Variants in CPZ observed in about 807,000 individuals in gnomAD.
The protein encoded by CPZ is VEZT/CPZ fusion.
A neutral mutation model predicts 61.8 loss-of-function variants in CPZ; 103 were observed. The ratio of observed to expected loss-of-function variants is 1.67; its 90% CI spans 1.42 to 1.96. The LOEUF is 1.96. Ranked by LOEUF, CPZ falls within the 30% of genes most tolerant of loss-of-function variation. CPZ has a pLI of 0.00. For synonymous variants in CPZ, 551 were observed against 373.7 expected, an observed-to-expected ratio of 1.47 and a Z score of -5.47; for missense variants, 1,461 against 914.9, an observed-to-expected ratio of 1.60 and a Z score of -7.70.
rs201254824 is a variant in CPZ at position 8,619,336 on chromosome 4, A to C, written c.1678A>C (p.Lys560Gln). Residue 560 changes from lysine (K) to glutamine (Q), a missense_variant, in exon 11 of 11, where the codon AAA (lysine) becomes CAA (glutamine). Transcript: ENST00000360986. ...CATTGCCCAAGCCCCTGGCTACGCC[A>C]AAGTCATCAAGAAAGTCATCATCCC... is the stretch of plus-strand genomic sequence containing the variant. ...IVIAQAPGYAKVIKKVIIPAR... is the reference protein window; with the variant it reads ...IVIAQAPGYAQVIKKVIIPAR... 7 of 1,613,994 alleles carry C rather than the reference A, an allele frequency of 4.3e-6. No individual in the cohort carries two copies. Among genetic ancestry groups the C allele is most frequent in the African/African-American group, 1.3e-5 (1 of 74,912 alleles).
chr4:8,619,215 G>C, intron 10 of CPZ, 47 bp from the exon 11 acceptor site: 1 of 1,508,458 alleles, frequency 6.6e-7, no homozygotes, highest in Non-Finnish European at 9.0e-7. Flanking sequence ...CCCCGTGGCT[G>C]GGTCTGCAGT....
intron 9 of CPZ, among the ~76,000 whole-genome samples, chr4:8,616,646 A>G (rs1716193948): frequency 6.6e-6 from 1 of 152,190 alleles, no homozygotes; most frequent in South Asian, 2.1e-4. Context: ...TATTCTTAGC[A>G]GAGAAGGCTC....
At chr4:8,614,127 T>G (rs1430868520) in intron 8 of CPZ, among the ~76,000 whole-genome samples, 5 of 152,230 alleles carry the variant, frequency 3.3e-5, no homozygotes, top group African/African-American at 1.2e-4. Flanking sequence ...GGGGATCATA[T>G]GGTCCACCTT....
At chr4:8,596,567 ACT>A (rs1271847539) in intron 1 of CPZ, among the ~76,000 whole-genome samples, 12 of 151,984 alleles carry the variant, frequency 7.9e-5, no homozygotes, top group African/African-American at 2.4e-4. Flanking sequence ...ATGCCCCAAG[ACT>A]CTGTGTGTTG....
chr4:8,592,814 C>T lies in CPZ; in HGVS notation c.-20C>T. On this transcript the variant is annotated 5_prime_UTR_variant, in exon 1 of 11. Coordinates refer to ENST00000360986, the MANE Select transcript of CPZ (RefSeq NM_001014447.3). Reference sequence around the variant, plus strand: ...AGTGCCACATCACTGCGCTGGCCGTCCAAGGTCCGCCGCCCCACCATGCCG... The same window carrying T: ...AGTGCCACATCACTGCGCTGGCCGTTCAAGGTCCGCCGCCCCACCATGCCG... 6.9e-7 allele frequency: 1 copy of T among 1,439,306 alleles called. No individual in the cohort carries two copies. 89.2% of individuals were successfully genotyped at this position (1,439,306 alleles called of 1,614,324 possible). A position where few individuals can be genotyped will look rare whatever the true frequency, so the allele number is the denominator to read the frequency against.
chr4:8,600,208 C>T (rs1714469002), intron 2 of CPZ, among the ~76,000 whole-genome samples: 1 of 152,038 alleles, frequency 6.6e-6, no homozygotes, highest in Non-Finnish European at 1.5e-5. Flanking sequence ...AACTCCTGGC[C>T]TCAAGTGATC....
At chr4:8,611,041 TGCTCACGCATTC>T in intron 7 of CPZ, 1 of 367,866 alleles carries the variant, frequency 2.7e-6, no homozygotes, top group Non-Finnish European at 5.6e-6. Context: ...CTCTTTCACT[TGCTCACGCATTC>T]GCTCACTCAC....
chr4:8,611,920 T>A, intron 7 of CPZ, 107 bp from the exon 8 acceptor site: 1 of 1,481,146 alleles, frequency 6.8e-7, no homozygotes, highest in Non-Finnish European at 9.3e-7. Flanking sequence ...CCCTCTCCTA[T>A]CTGCAATGCA....
In CPZ at chr4:8,618,494, C is replaced by A. The variant is rs1288975025; in HGVS notation, c.1569C>A (p.Ile523=). The change falls in exon 10 of 11, where the codon ATC becomes ATA. Residue 523 remains isoleucine, a synonymous_variant. Transcript: ENST00000360986. ...GCAAGCCAGTCAAAAACGCCCGGATCTCAGTCAAAGGCATTCGCCACGACA... is the reference window on the plus strand; with the variant it reads ...GCAAGCCAGTCAAAAACGCCCGGATATCAGTCAAAGGCATTCGCCACGACA... The part of the protein sequence containing the change: ...KFGKPVKNAR[I]SVKGIRHDIT... 6.2e-7 allele frequency: 1 copy of A among 1,614,146 alleles called. No individual in the cohort carries two copies. The highest frequency in any genetic ancestry group is 8.5e-7 in the Non-Finnish European group (1 of 1,180,038).
rs182039164 is a variant in CPZ at position 8,609,574 on chromosome 4, G to A, written c.1227+2149G>A. Reference sequence around the variant, plus strand: ...CTGGCCTTGCACCCCTGTGCTCTTGGGGGCCATGGCTGGGCAGGGCAGGTG... The same window carrying A: ...CTGGCCTTGCACCCCTGTGCTCTTGAGGGCCATGGCTGGGCAGGGCAGGTG... On this transcript the variant is annotated intron_variant, in intron 7 of 10. Transcript: ENST00000360986. Among the ~76,000 whole-genome samples the A allele has an allele frequency of 1.0e-4, 15 of 145,854 alleles. No homozygotes were observed. The East Asian group carries it at 2.9e-3, about 28-fold the overall frequency.
chr4:8,612,062 C>A lies in CPZ; in HGVS notation c.1263C>A (p.Val421=), dbSNP rs768593419. 3 of 1,613,984 alleles carry A rather than the reference C, an allele frequency of 1.9e-6. No homozygotes were observed. Among genetic ancestry groups the A allele is most frequent in the Non-Finnish European group, 2.5e-6 (3 of 1,180,016 alleles). ...TGCTGTCCAGAGCCTACGCTGACGT[C>A]CACCCCATGATGATGGACAGGTCGG... The part of the protein sequence containing the change: ...FKLLSRAYAD[V]HPMMMDRSEN... The change falls in exon 8 of 11, where the codon GTC becomes GTA. Residue 421 remains valine (V), a synonymous_variant. Transcript: ENST00000360986.
At chr4:8,606,605 C>T (rs374936459) in intron 5 of CPZ, 132 bp from the exon 6 acceptor site, 21 of 1,166,996 alleles carry the variant, frequency 1.8e-5, no homozygotes, top group Non-Finnish European at 2.5e-5. Flanking sequence ...GGCATGCCCC[C>T]GAGCTCATCA....
In CPZ at chr4:8,599,649, T is replaced by C. The variant is rs898246602; in HGVS notation, c.121+164T>C. On this transcript the variant is annotated intron_variant, in intron 2 of 10. Transcript: ENST00000360986. ...CCCTCGTAAACAGCCAGAGAAAAAT[T>C]AGACATAACAAAAAAAGACCAGCTA... 7 of 1,446,374 alleles carry C rather than the reference T, an allele frequency of 4.8e-6. No individual in the cohort carries two copies. In the African/African-American group the frequency reaches 8.6e-5, roughly 18 times the overall value. The allele number at this position is 1,446,374 out of a possible 1,614,324, so 89.6% of individuals were successfully genotyped here.
chr4:8,615,084 C>A (rs916000858), intron 9 of CPZ, among the ~76,000 whole-genome samples: 3 of 151,716 alleles, frequency 2.0e-5, no homozygotes, highest in Non-Finnish European at 4.4e-5. Context: ...GGTTTTGGGG[C>A]CTCAGAGTGA....
At chr4:8,614,919 G>C (rs1229038729) in intron 9 of CPZ, among the ~76,000 whole-genome samples, 1 of 151,952 alleles carries the variant, frequency 6.6e-6, no homozygotes, top group Non-Finnish European at 1.5e-5. Context: ...TCCCAGCAGA[G>C]GGGAGCATGC....
intron 3 of CPZ, 50 bp downstream of exon 3, chr4:8,601,547 A>C (rs1227410273): frequency 7.0e-7 from 1 of 1,420,626 alleles, no homozygotes. Flanking sequence ...CAGGTGGTCA[A>C]GGAGGACCAA....
At chr4:8,615,153 A>AG (rs1193863038) in intron 9 of CPZ, among the ~76,000 whole-genome samples, 3 of 151,968 alleles carry the variant, frequency 2.0e-5, no homozygotes, top group African/African-American at 7.3e-5. Context: ...GTCCTGACTG[A>AG]GGGGTGACTA....
At chr4:8,610,307 G>A (rs1049944182) in intron 7 of CPZ, among the ~76,000 whole-genome samples, 3 of 152,206 alleles carry the variant, frequency 2.0e-5, no homozygotes, top group African/African-American at 4.8e-5. Context: ...GCCCTCCCAG[G>A]TCAGGCCTGT....
At chr4:8,606,292 G>A (rs1714996209) in intron 5 of CPZ, 107 bp downstream of exon 5, 1 of 1,122,942 alleles carries the variant, frequency 8.9e-7, no homozygotes, top group Admixed American at 2.5e-5. Context: ...TGCCTCTCTA[G>A]GAGAGGAGCA....
Sources: allele counts gnomAD v4.1 joint callset (sites outside exome capture counted in the v4.1 genomes callset), GRCh38; gene constraint gnomAD v4.1.1; transcripts MANE v1.5; gene names NCBI Gene and HGNC (gene_info 2026-07-23, HGNC 2026-07-21).